SGCZ: variants seen among roughly 807,000 people sequenced by gnomAD.
SGCZ encodes zeta-sarcoglycan.
In SGCZ, 40 loss-of-function variants were observed where a neutral mutation model predicts 41.3. The ratio of observed to expected loss-of-function variants is 0.97; its 90% confidence interval spans 0.75 to 1.26. SGCZ has a LOEUF of 1.26. Ranked by LOEUF, SGCZ falls within the 50% of genes most tolerant of loss-of-function variation. The probability of loss-of-function intolerance (pLI) is 0.00; values close to 1 mark genes in which losing one functional copy is unlikely to be tolerated. For synonymous variants in SGCZ, 206 were observed against 137.5 expected (o/e 1.50, Z -3.49); for missense variants, 552 against 369.8 (o/e 1.49, Z -4.04).
chr8:14,505,892 C>A (rs1235860906), intron 2 of SGCZ, among the ~76,000 whole-genome samples: 1 of 152,138 alleles, frequency 6.6e-6, no homozygotes, highest in African/African-American at 2.4e-5. Context: ...TTTTAGCAAG[C>A]TCTTCAGGTG....
chr8:15,049,955 T>G (rs1804455543), intron 1 of SGCZ, among the ~76,000 whole-genome samples: 1 of 152,150 alleles, frequency 6.6e-6, no homozygotes, highest in Non-Finnish European at 1.5e-5. Flanking sequence ...AAACTGTGTG[T>G]CCATTAAACC....
At chr8:14,594,548 G>A (rs141513095) in intron 1 of SGCZ, among the ~76,000 whole-genome samples, 251 of 150,296 alleles carry the variant, frequency 1.7e-3, no homozygotes, top group East Asian at 5.8e-3. Flanking sequence ...ATAAAAGCAT[G>A]GTGATGATGC....
intron 1 of SGCZ, among the ~76,000 whole-genome samples, chr8:14,925,016 C>T (rs1337323205): frequency 1.3e-5 from 2 of 151,966 alleles, no homozygotes; most frequent in African/African-American, 4.8e-5. Flanking sequence ...GGCCTCAATG[C>T]CCGGCTAATT....
At chr8:14,628,126 C>T (rs1297816849) in intron 1 of SGCZ, among the ~76,000 whole-genome samples, 1 of 151,962 alleles carries the variant, frequency 6.6e-6, no homozygotes, top group Non-Finnish European at 1.5e-5. Flanking sequence ...AGGTTTAATG[C>T]TACATTGGCC....
chr8:15,189,474 CA>C (rs1014910200), intron 1 of SGCZ, among the ~76,000 whole-genome samples: 138 of 152,204 alleles, frequency 9.1e-4, no homozygotes, highest in African/African-American at 3.2e-3. Context: ...TCAAGAGAGC[CA>C]AACAACAGTC....
At chr8:14,971,948 G>C (rs1331198277) in intron 1 of SGCZ, among the ~76,000 whole-genome samples, 2 of 151,970 alleles carry the variant, frequency 1.3e-5, no homozygotes, top group Non-Finnish European at 2.9e-5. Flanking sequence ...CAAAACTTTT[G>C]TTTTGAATTT....
intron 1 of SGCZ, among the ~76,000 whole-genome samples, chr8:14,566,513 G>A (rs1804366826): frequency 6.6e-6 from 1 of 152,162 alleles, no homozygotes; most frequent in Non-Finnish European, 1.5e-5. Flanking sequence ...AAAGGTGAAA[G>A]CTTTACTCAT....
intron 1 of SGCZ, among the ~76,000 whole-genome samples, chr8:15,195,016 T>A (rs1179522482): frequency 6.6e-6 from 1 of 152,202 alleles, no homozygotes; most frequent in Non-Finnish European, 1.5e-5. Context: ...AAAATTCCCA[T>A]CTTATTATCT....
intron 3 of SGCZ, among the ~76,000 whole-genome samples, chr8:14,302,782 C>T (rs1357967046): frequency 1.3e-5 from 2 of 152,132 alleles, no homozygotes; most frequent in African/African-American, 2.4e-5. Flanking sequence ...CCACATATCT[C>T]ATATTTATTC....
Position 14,884,188 on chromosome 8 carries a change from C to A in SGCZ, c.40-329262G>T, listed in dbSNP as rs950588933. Reference sequence around the variant, plus strand: ...CGTTTCTCTAAGACTCTGATTAATTCTAAATATAAGTGTCTTGTTTAGAAT... The same window carrying A: ...CGTTTCTCTAAGACTCTGATTAATTATAAATATAAGTGTCTTGTTTAGAAT... On this transcript the variant is annotated intron_variant, in intron 1 of 7. Transcript: ENST00000382080. Among the ~76,000 whole-genome samples the A allele has an allele frequency of 1.8e-4, 27 of 152,060 alleles. 1 individual carries two copies. The highest frequency in any genetic ancestry group is 8.8e-5 in the Non-Finnish European group (6 of 68,004).
At chr8:14,170,192 C>T (rs1487896026) in intron 4 of SGCZ, among the ~76,000 whole-genome samples, 2 of 148,852 alleles carry the variant, frequency 1.3e-5, no homozygotes, top group African/African-American at 2.5e-5. Flanking sequence ...CCCCCCGCAC[C>T]GAATCCACAC....
chr8:14,485,020 T>C (rs1801635158), intron 2 of SGCZ, among the ~76,000 whole-genome samples: 2 of 152,192 alleles, frequency 1.3e-5, no homozygotes, highest in Non-Finnish European at 2.9e-5. Context: ...TGTTTCTCTT[T>C]ATGGCTTTAA....
chr8:14,343,506 A>G (rs1585387112), intron 2 of SGCZ, among the ~76,000 whole-genome samples: 1 of 152,234 alleles, frequency 6.6e-6, no homozygotes, highest in Non-Finnish European at 1.5e-5. Context: ...CCCTCAAGTC[A>G]TTTGCTGATT....
At chr8:14,331,887 T>A (rs1802339537) in intron 2 of SGCZ, among the ~76,000 whole-genome samples, 1 of 151,902 alleles carries the variant, frequency 6.6e-6, no homozygotes, top group Admixed American at 6.6e-5. Context: ...TCCAAAATTT[T>A]CTCTACTGAT....
chr8:15,146,619 C>T (rs1563150329), intron 1 of SGCZ, among the ~76,000 whole-genome samples: 1 of 152,112 alleles, frequency 6.6e-6, no homozygotes, highest in Non-Finnish European at 1.5e-5. Context: ...ATTTTGTTTT[C>T]TATATGAAGA....
chr8:14,159,240 C>T (rs374825946), intron 5 of SGCZ, among the ~76,000 whole-genome samples: 1 of 152,220 alleles, frequency 6.6e-6, no homozygotes, highest in East Asian at 1.9e-4. Flanking sequence ...TTGATATAAC[C>T]ACTTTTTTGG....
chr8:14,181,696 G>A (rs1363129621), intron 4 of SGCZ, among the ~76,000 whole-genome samples: 2 of 152,254 alleles, frequency 1.3e-5, no homozygotes, highest in South Asian at 2.1e-4. Context: ...CTGCACAAGC[G>A]CTCTTGCCTG....
intron 1 of SGCZ, among the ~76,000 whole-genome samples, chr8:14,948,293 G>T (rs1260850394): frequency 6.6e-6 from 1 of 151,894 alleles, no homozygotes; most frequent in Non-Finnish European, 1.5e-5. Context: ...ATGAGAACTG[G>T]GTATTCTCTC....
intron 1 of SGCZ, among the ~76,000 whole-genome samples, chr8:15,190,312 G>A (rs1800489518): frequency 6.6e-6 from 1 of 151,786 alleles, no homozygotes; most frequent in Non-Finnish European, 1.5e-5. Flanking sequence ...AATCAGGAAA[G>A]ATGAAATGAA....
Sources: allele counts gnomAD v4.1 joint callset (sites outside exome capture counted in the v4.1 genomes callset), GRCh38; gene constraint gnomAD v4.1.1; transcripts MANE v1.5; gene names NCBI Gene and HGNC (gene_info 2026-07-23, HGNC 2026-07-21).